The following CAMTA1 variants were observed in gnomAD, a reference collection of about 807,000 sequenced individuals.
CAMTA1 encodes calmodulin binding transcription activator 1.
CAMTA1 carries 27 observed loss-of-function variants against 170.9 expected under a neutral mutation model. That is an observed-to-expected ratio of 0.16 (90% CI 0.12 to 0.22). The LOEUF is 0.22. CAMTA1 is among the 10% of genes least tolerant of loss of function. The pLI, the probability that CAMTA1 is intolerant of heterozygous loss-of-function variation, is 1.00. For missense variants in CAMTA1, 1,619 were observed against 2,217.2 expected (o/e 0.73, Z 5.42); for synonymous variants, 833 against 891.5 (o/e 0.93, Z 1.17).
chr1:7,225,884 G>T (rs1558273296), intron 4 of CAMTA1, among the ~76,000 whole-genome samples: 1 of 152,122 alleles, frequency 6.6e-6, no homozygotes, highest in East Asian at 1.9e-4. Flanking sequence ...TCCCTACAGG[G>T]TTCCTGCCAG....
chr1:7,679,881 G>C (rs974801205), intron 11 of CAMTA1, among the ~76,000 whole-genome samples: 1 of 152,246 alleles, frequency 6.6e-6, no homozygotes, highest in Non-Finnish European at 1.5e-5. Flanking sequence ...CTTTCCTTTG[G>C]TCTGGGCCAG....
At chr1:7,139,947 A>G (rs940260791) in intron 4 of CAMTA1, among the ~76,000 whole-genome samples, 2 of 152,212 alleles carry the variant, frequency 1.3e-5, no homozygotes, top group African/African-American at 4.8e-5. Flanking sequence ...ATCAAGAATG[A>G]CAATAAAGAT....
intron 5 of CAMTA1, among the ~76,000 whole-genome samples, chr1:7,467,349 C>G (rs2093234781): frequency 6.6e-6 from 1 of 152,198 alleles, no homozygotes; most frequent in Non-Finnish European, 1.5e-5. Context: ...CCTGTCCCCC[C>G]TGGTTGGGCT....
At chr1:7,086,434 T>C (rs1244411109) in intron 3 of CAMTA1, among the ~76,000 whole-genome samples, 1 of 152,130 alleles carries the variant, frequency 6.6e-6, no homozygotes, top group Non-Finnish European at 1.5e-5. Flanking sequence ...TTATTTTTAT[T>C]GTGGTAAAAG....
At position 7,050,448 on chromosome 1, in the gene CAMTA1, C is replaced by T. The variant is rs1271167177; in HGVS notation, c.235-40856C>T. ...TGCTCATTGCCACTCTGGGTCCCGA[C>T]CGGGTGTGGGTTCAGATGAAGACTC... On this transcript the variant is annotated intron_variant, in intron 3 of 22. Coordinates refer to ENST00000303635, the MANE Select transcript of CAMTA1 (RefSeq NM_015215.4). This position sits in a 1 kb window ranked among gnomAD's most constrained non-coding sequence, Gnocchi z 4.8. Among the ~76,000 whole-genome samples, 1 of 152,078 alleles carries T rather than the reference C, an allele frequency of 6.6e-6. No homozygotes were observed. The highest frequency in any genetic ancestry group is 1.5e-5 in the Non-Finnish European group (1 of 68,002).
At chr1:6,969,792 CT>C (rs1692214129) in intron 3 of CAMTA1, among the ~76,000 whole-genome samples, 1 of 152,160 alleles carries the variant, frequency 6.6e-6, no homozygotes, top group African/African-American at 2.4e-5. Context: ...GTATTTTAAA[CT>C]TTTTATTTTG....
intron 3 of CAMTA1, among the ~76,000 whole-genome samples, chr1:7,071,012 T>C (rs74891443): frequency 6.6e-6 from 1 of 152,108 alleles, no homozygotes; most frequent in Non-Finnish European, 1.5e-5. Context: ...TGCAGGGGCT[T>C]GCTTGGAGGC....
intron 4 of CAMTA1, among the ~76,000 whole-genome samples, chr1:7,192,037 G>A (rs1239701197): frequency 7.7e-6 from 1 of 130,200 alleles, no homozygotes; most frequent in East Asian, 1.9e-4. Context: ...GGCTGGGACT[G>A]GTGGGGGAAT....
intron 3 of CAMTA1, among the ~76,000 whole-genome samples, chr1:7,001,897 C>CTT (rs35997562): frequency 2.0e-4 from 27 of 137,414 alleles, no homozygotes; most frequent in Non-Finnish European, 3.4e-4. Flanking sequence ...TCTTCTTCTT[C>CTT]TTTTTTTTTT....
At chr1:6,929,686 A>T (rs906527878) in intron 3 of CAMTA1, among the ~76,000 whole-genome samples, 2 of 151,278 alleles carry the variant, frequency 1.3e-5, no homozygotes, top group Middle Eastern at 3.4e-3. Context: ...TTTAGTAGAG[A>T]TGGGGTTTCA....
chr1:7,520,631 C>A lies in CAMTA1; in HGVS notation c.510+52730C>A, dbSNP rs116208422. The stretch of plus-strand genomic sequence containing the variant: ...TGGCTGCCCCAGAGGGGAGCAGGGG[C>A]CCCTTCTGGGCACCCAGCTGGGGAG... On this transcript the variant is annotated intron_variant, in intron 6 of 22. Transcript: ENST00000303635. 2.1e-3 allele frequency among the ~76,000 whole-genome samples: 321 copies of A among 152,050 alleles called. 2 individuals are homozygous for A. Among genetic ancestry groups the A allele is most frequent in the African/African-American group, 7.3e-3 (303 of 41,482 alleles).
At chr1:6,861,781 C>T (rs1048098155) in intron 3 of CAMTA1, among the ~76,000 whole-genome samples, 2 of 152,096 alleles carry the variant, frequency 1.3e-5, no homozygotes, top group Non-Finnish European at 2.9e-5. Context: ...CATTGCTGTG[C>T]AACCATCAGC....
intron 3 of CAMTA1, among the ~76,000 whole-genome samples, chr1:6,909,919 C>T (rs988483701): frequency 2.0e-5 from 3 of 152,230 alleles, no homozygotes; most frequent in Non-Finnish European, 4.4e-5. Flanking sequence ...TTTCCTGCCT[C>T]TGCATGTACT....
intron 4 of CAMTA1, among the ~76,000 whole-genome samples, chr1:7,238,156 CT>C (rs71582089): frequency 0.52 from 75,597 of 145,200 alleles, 20,439 homozygotes; most frequent in South Asian, 0.64. Context: ...AGTCTTCTTT[CT>C]TTTTTTTTTT....
intron 6 of CAMTA1, among the ~76,000 whole-genome samples, chr1:7,525,669 A>G (rs1388122830): frequency 6.6e-6 from 1 of 152,106 alleles, no homozygotes; most frequent in Non-Finnish European, 1.5e-5. Context: ...GCAGGTATCA[A>G]GAGATACGGG....
At chr1:7,029,347 A>T (rs1702463738) in intron 3 of CAMTA1, among the ~76,000 whole-genome samples, 1 of 151,906 alleles carries the variant, frequency 6.6e-6, no homozygotes, top group African/African-American at 2.4e-5. Flanking sequence ...TAAATATACA[A>T]AAAAATTAGC....
At chr1:7,671,129 T>A in intron 10 of CAMTA1, 92 bp downstream of exon 10, 1 of 1,406,848 alleles carries the variant, frequency 7.1e-7, no homozygotes, top group South Asian at 1.3e-5. Flanking sequence ...CTTGAGCAGG[T>A]CATGTCCTTA....
intron 3 of CAMTA1, among the ~76,000 whole-genome samples, chr1:6,978,995 C>T (rs757176727): frequency 3.8e-4 from 58 of 152,190 alleles, no homozygotes; most frequent in Non-Finnish European, 6.3e-4. Flanking sequence ...GGAGCTCGCT[C>T]TCCCTTGCAC....
chr1:7,595,841 C>T (rs1350430955), intron 6 of CAMTA1, among the ~76,000 whole-genome samples: 1 of 152,214 alleles, frequency 6.6e-6, no homozygotes, highest in East Asian at 1.9e-4. Flanking sequence ...CCCCACCCCA[C>T]CTGGGCATCA....
Sources: allele counts gnomAD v4.1 joint callset (sites outside exome capture counted in the v4.1 genomes callset), GRCh38; gene constraint gnomAD v4.1.1; non-coding constraint Gnocchi (gnomAD v3.1); transcripts MANE v1.5; gene names NCBI Gene and HGNC (gene_info 2026-07-23, HGNC 2026-07-21).